Variants in CACNG6 observed in about 807,000 individuals in gnomAD.
The protein encoded by CACNG6 is voltage-dependent calcium channel gamma-6 subunit.
In CACNG6, 21 loss-of-function variants were observed where a neutral mutation model predicts 23.9. The observed-to-expected ratio is 0.88, with a 90% CI of 0.62 to 1.26. The LOEUF (loss-of-function observed/expected upper bound fraction) is 1.26, where lower values mean the gene tolerates loss of function less well. CACNG6 is among the 50% of genes most tolerant of loss of function. CACNG6 has a pLI of 0.00. For synonymous variants in CACNG6, 182 were observed against 168.9 expected (o/e 1.08, Z -0.60); for missense variants, 340 against 352.9 (o/e 0.96, Z 0.29).
intron 1 of CACNG6, among the ~76,000 whole-genome samples, chr19:53,997,689 C>T (rs1351248722): frequency 6.6e-6 from 1 of 152,144 alleles, no homozygotes. Flanking sequence ...TCTCCATGGA[C>T]TTATGAGTTA....
chr19:54,002,361 G>A (rs1401846024), intron 3 of CACNG6, among the ~76,000 whole-genome samples: 1 of 137,550 alleles, frequency 7.3e-6, no homozygotes, highest in Non-Finnish European at 1.5e-5. Flanking sequence ...CAAGTGATCC[G>A]CCCACCTCGG....
rs772227869 is a variant in CACNG6 at position 53,998,261 on chromosome 19, A to G, written c.354A>G (p.Lys118=). 8.1e-6 allele frequency: 13 copies of G among 1,613,934 alleles called. No homozygotes were observed. The highest frequency in any genetic ancestry group is 1.1e-5 in the Non-Finnish European group (13 of 1,179,998). ...CAGAAGCAAACTGCACCTATTTTAAATTCTTCACCACGGGGGAGAATGCAC... is the reference window on the plus strand; with the variant it reads ...CAGAAGCAAACTGCACCTATTTTAAGTTCTTCACCACGGGGGAGAATGCAC... ...LPGEANCTYF[K]FFTTGENARI... Residue 118 remains lysine (K), a synonymous_variant, in exon 2 of 4, where the codon AAA becomes AAG. Transcript: ENST00000252729.
At chr19:54,008,735 T>C (rs1446531353) in intron 3 of CACNG6, among the ~76,000 whole-genome samples, 1 of 152,188 alleles carries the variant, frequency 6.6e-6, no homozygotes, top group Non-Finnish European at 1.5e-5. Context: ...AGGTCCCAGC[T>C]CAAATGGCTT....
chr19:54,006,934 G>C (rs750577340), intron 3 of CACNG6, among the ~76,000 whole-genome samples: 1 of 151,676 alleles, frequency 6.6e-6, no homozygotes, highest in Non-Finnish European at 1.5e-5. Context: ...CTGGCCTCAA[G>C]AGATCCTCCT....
Position 54,012,005 on chromosome 19 carries a change from T to G in CACNG6, c.599T>G (p.Leu200Arg), listed in dbSNP as rs1357690026. Residue 200 changes from leucine to arginine, a missense_variant, in exon 4 of 4, where the codon CTG becomes CGG. By Grantham distance (102) the Leu-to-Arg change is moderately radical. Coordinates refer to ENST00000252729, the MANE Select transcript of CACNG6 (RefSeq NM_145814.2). Reference protein sequence around the residue: ...EVFRHSVRALLQRVSPEPPPA... With the variant: ...EVFRHSVRALRQRVSPEPPPA... ...TTCCGGCATTCCGTGAGGGCCCTGC[T>G]GCAGAGAGTCAGCCCGGAGCCTCCC... 1.9e-6 allele frequency: 3 copies of G among 1,602,870 alleles called. No individual in the cohort carries two copies. The highest frequency in any genetic ancestry group is 3.4e-5 in the Admixed American group (2 of 58,546).
At chr19:53,991,610 G>T (rs1375692219), upstream of CACNG6, among the ~76,000 whole-genome samples, 2 of 137,806 alleles carry the variant, frequency 1.5e-5, 1 homozygote, top group Non-Finnish European at 3.2e-5. Context: ...GGGCGGGTGG[G>T]GACGAGGCCG....
chr19:54,006,045 G>T (rs2145964474), intron 3 of CACNG6, among the ~76,000 whole-genome samples: 1 of 150,280 alleles, frequency 6.7e-6, no homozygotes, highest in Non-Finnish European at 1.5e-5. Flanking sequence ...AGCTGAGATC[G>T]CACCACTGCA....
At chr19:54,005,886 T>C (rs568007963) in intron 3 of CACNG6, among the ~76,000 whole-genome samples, 1 of 151,998 alleles carries the variant, frequency 6.6e-6, no homozygotes, top group East Asian at 1.9e-4. Context: ...GGCCAGGAGT[T>C]TGAGACCAAC....
intron 3 of CACNG6, among the ~76,000 whole-genome samples, chr19:54,006,327 C>G (rs1241528973): frequency 6.6e-6 from 1 of 151,568 alleles, no homozygotes; most frequent in Non-Finnish European, 1.5e-5. Context: ...GAAAGTACCA[C>G]AGCCTGGGTG....
chr19:53,995,612 G>T (rs574861827), intron 1 of CACNG6, among the ~76,000 whole-genome samples: 1 of 152,210 alleles, frequency 6.6e-6, no homozygotes, highest in Non-Finnish European at 1.5e-5. Flanking sequence ...TTCCCGCAAT[G>T]ACTGCTTCAA....
upstream of CACNG6, among the ~76,000 whole-genome samples, chr19:53,991,526 G>C (rs1441505675): frequency 6.6e-6 from 1 of 150,882 alleles, no homozygotes; most frequent in Non-Finnish European, 1.5e-5. Context: ...ACAGGCGCCG[G>C]GCGACAGGTG....
At position 54,012,080 on chromosome 19, in the gene CACNG6, TG is replaced by T; in HGVS notation, c.679del (p.Ala227ProfsTer3). ...YEYSWSLGCG[V>X]GAGLILLLGA... ...TACTCCTGGTCCCTGGGCTGCGGCGTGGGGGCCGGCCTGATCCTGCTGTTGG... is the reference window on the plus strand; with the variant it reads ...TACTCCTGGTCCCTGGGCTGCGGCGTGGGGCCGGCCTGATCCTGCTGTTGG... On this transcript the variant is annotated frameshift_variant, in exon 4 of 4. Transcript: ENST00000252729. LOFTEE classifies it high-confidence loss of function. 2 of 1,590,582 alleles carry T rather than the reference TG, an allele frequency of 1.3e-6. No homozygotes were observed. The highest frequency in any genetic ancestry group is 2.3e-5 in the East Asian group (1 of 43,064).
chr19:53,999,692 G>A lies in CACNG6; in HGVS notation c.465G>A (p.Gly155=), dbSNP rs528951575. 56 of 1,613,972 alleles carry A rather than the reference G, an allele frequency of 3.5e-5. No homozygotes were observed. Among genetic ancestry groups the A allele is most frequent in the Non-Finnish European group, 4.2e-5 (50 of 1,180,036 alleles). The change falls in exon 3 of 4, where the codon GGG becomes GGA. Residue 155 remains glycine (G), a synonymous_variant. Transcript: ENST00000252729. ...TGGGCCTGGCAGTCATGGCCTTGGG[G>A]TGCCTCTGTATCATCATGGTGCTCA... The part of the protein sequence containing the change: ...AVLGLAVMAL[G]CLCIIMVLSK...
intron 3 of CACNG6, among the ~76,000 whole-genome samples, chr19:54,009,500 G>A (rs928468804): frequency 5.3e-5 from 8 of 151,108 alleles, no homozygotes; most frequent in Non-Finnish European, 7.4e-5. Flanking sequence ...ACCTGTAGTC[G>A]CAGGTACTCA....
chr19:54,008,027 A>G (rs1278016776), intron 3 of CACNG6, among the ~76,000 whole-genome samples: 1 of 152,130 alleles, frequency 6.6e-6, no homozygotes, highest in South Asian at 2.1e-4. Context: ...CTTTTAAATC[A>G]CAGCATCCTG....
At chr19:54,006,325 C>T (rs562575214) in intron 3 of CACNG6, among the ~76,000 whole-genome samples, 4 of 151,444 alleles carry the variant, frequency 2.6e-5, no homozygotes, top group East Asian at 1.9e-4. Flanking sequence ...AAGAAAGTAC[C>T]ACAGCCTGGG....
intron 3 of CACNG6, among the ~76,000 whole-genome samples, chr19:54,002,277 T>G (rs1397928910): frequency 7.2e-6 from 1 of 138,566 alleles, no homozygotes; most frequent in Non-Finnish European, 1.5e-5. Context: ...GTTTTTTTGT[T>G]TTTTTTGTTT....
At chr19:53,999,891 T>A in intron 3 of CACNG6, 120 bp downstream of exon 3, 35 of 1,209,154 alleles carry the variant, frequency 2.9e-5, no homozygotes, top group Non-Finnish European at 3.9e-5. Flanking sequence ...GGAATCTCTA[T>A]GCACTGTTGC....
At chr19:53,999,872 C>T (rs571812209) in intron 3 of CACNG6, 101 bp downstream of exon 3, 2 of 1,412,548 alleles carry the variant, frequency 1.4e-6, no homozygotes, top group Middle Eastern at 2.6e-4. Flanking sequence ...CTGTTGCACG[C>T]TCAGAGATGG....
Sources: gnomAD v4.1 joint callset for allele counts (sites outside exome capture counted in the v4.1 genomes callset) on GRCh38, gnomAD v4.1.1 for gene constraint, MANE v1.5 for transcripts, NCBI Gene and HGNC (gene_info 2026-07-23, HGNC 2026-07-21) for gene names.